NSD3: variants seen among roughly 807,000 people sequenced by gnomAD.
NSD3 encodes the protein histone-lysine N-methyltransferase NSD3.
NSD3 carries 24 observed loss-of-function variants against 160.8 expected under a neutral mutation model. That is an observed-to-expected ratio of 0.15 (90% CI 0.11 to 0.21). NSD3 has a LOEUF of 0.21. NSD3 is among the 10% of genes least tolerant of loss of function. The probability of loss-of-function intolerance (pLI) is 1.00; values close to 1 mark genes in which losing one functional copy is unlikely to be tolerated. For missense variants in NSD3, 1,157 were observed against 1,735.9 expected (o/e 0.67, Z 5.93); for synonymous variants, 520 against 600.0 (o/e 0.87, Z 1.95).
intron 1 of NSD3, among the ~76,000 whole-genome samples, chr8:38,380,420 G>A (rs1811507939): frequency 6.6e-6 from 1 of 152,178 alleles, no homozygotes; most frequent in South Asian, 2.1e-4. Context: ...CAATTTCCTT[G>A]TTTACTTAAA....
intron 1 of NSD3, among the ~76,000 whole-genome samples, chr8:38,369,501 T>C (rs1017406285): frequency 6.6e-6 from 1 of 152,250 alleles, no homozygotes; most frequent in Non-Finnish European, 1.5e-5. Context: ...GTTTAGCCAA[T>C]TGAGTTCAGT....
chr8:38,316,309 C>T lies in NSD3; in HGVS notation c.1856-267G>A, dbSNP rs984365349. 1.1e-4 allele frequency: 111 copies of T among 1,026,414 alleles called. No homozygotes were observed. Among genetic ancestry groups the T allele is most frequent in the Non-Finnish European group, 1.3e-4 (105 of 818,686 alleles). The allele number at this position is 1,026,414 out of a possible 1,614,324, so 63.6% of individuals were successfully genotyped here. ...TTTTCAGTCAACAGAGCCCACGTTC[C>T]AACCTAAAAATCAATTCTATGAAAA... is the stretch of plus-strand genomic sequence containing the variant. On this transcript the variant is annotated intron_variant, in intron 9 of 23. Coordinates refer to ENST00000317025, the MANE Select transcript of NSD3 (RefSeq NM_023034.2). The surrounding 1 kb of genome is among the most constrained non-coding windows in gnomAD (Gnocchi z 4.5).
chr8:38,299,752 A>T, intron 14 of NSD3, 162 bp from the exon 15 acceptor site: 1 of 625,364 alleles, frequency 1.6e-6, no homozygotes, highest in Admixed American at 4.2e-5. Context: ...AAGGTTTTCT[A>T]CAGTTTTCAA....
chr8:38,326,722 A>G lies in NSD3; in HGVS notation c.1708+8T>C, dbSNP rs1809920793. 6.2e-7 allele frequency: 1 copy of G among 1,612,636 alleles called. No homozygotes were observed. Among genetic ancestry groups the G allele is most frequent in the Non-Finnish European group, 8.5e-7 (1 of 1,179,398 alleles). ...ATGGACCTATATATACTTTTCATTC[A>G]TACCAACCTGTAGAACCAGATGTTG... On this transcript the variant is annotated splice_region_variant and intron_variant, in intron 7 of 23. Coordinates refer to ENST00000317025, the MANE Select transcript of NSD3 (RefSeq NM_023034.2).
intron 1 of NSD3, among the ~76,000 whole-genome samples, chr8:38,349,988 A>G (rs915258072): frequency 2.0e-5 from 3 of 152,118 alleles, no homozygotes; most frequent in Middle Eastern, 3.4e-3. Context: ...TTCCAGCTTC[A>G]TCCATGTCCC....
At chr8:38,372,175 G>A (rs1811261853) in intron 1 of NSD3, among the ~76,000 whole-genome samples, 2 of 152,054 alleles carry the variant, frequency 1.3e-5, no homozygotes, top group Non-Finnish European at 1.5e-5. Flanking sequence ...TAGACAAATC[G>A]ACATTTTCTA....
At chr8:38,350,753 T>A (rs927078588) in intron 1 of NSD3, among the ~76,000 whole-genome samples, 3 of 152,170 alleles carry the variant, frequency 2.0e-5, no homozygotes, top group Non-Finnish European at 4.4e-5. Flanking sequence ...GTTAGATCAT[T>A]GCATTATAAT....
intron 1 of NSD3, among the ~76,000 whole-genome samples, chr8:38,366,289 AATTT>A (rs1811103998): frequency 1.3e-5 from 2 of 152,248 alleles, no homozygotes; most frequent in African/African-American, 2.4e-5. Flanking sequence ...TGCCATGAAG[AATTT>A]ATTTACCATC....
chr8:38,327,905 T>G (rs1003047778), intron 6 of NSD3, among the ~76,000 whole-genome samples: 1 of 152,186 alleles, frequency 6.6e-6, no homozygotes, highest in Non-Finnish European at 1.5e-5. Flanking sequence ...TTTATAAACA[T>G]ATATGTATTT....
At chr8:38,350,267 T>C (rs1810656069) in intron 1 of NSD3, among the ~76,000 whole-genome samples, 1 of 152,226 alleles carries the variant, frequency 6.6e-6, no homozygotes, top group Non-Finnish European at 1.5e-5. Flanking sequence ...CCACACTGTC[T>C]TCCACAATGG....
At chr8:38,371,190 G>A (rs773456654) in intron 1 of NSD3, among the ~76,000 whole-genome samples, 18 of 151,852 alleles carry the variant, frequency 1.2e-4, no homozygotes, top group Non-Finnish European at 2.4e-4. Flanking sequence ...AATATTGGAA[G>A]GATATAGAAC....
chr8:38,291,337 C>G (rs891393704), intron 16 of NSD3, among the ~76,000 whole-genome samples: 1 of 152,216 alleles, frequency 6.6e-6, no homozygotes, highest in Non-Finnish European at 1.5e-5. Context: ...GGAAATCTGA[C>G]AGTTTCTAGC....
chr8:38,380,392 C>A (rs528284736), intron 1 of NSD3, among the ~76,000 whole-genome samples: 6 of 152,306 alleles, frequency 3.9e-5, no homozygotes, highest in African/African-American at 1.4e-4. Flanking sequence ...AGCACAGGCC[C>A]AAGTAAAATA....
intron 8 of NSD3, chr8:38,320,776 A>G (rs905665246): frequency 2.1e-5 from 5 of 238,086 alleles, no homozygotes; most frequent in Non-Finnish European, 4.0e-5. Flanking sequence ...AATCATAAAA[A>G]CATGAAATCA....
At chr8:38,359,844 T>C (rs1810915840) in intron 1 of NSD3, among the ~76,000 whole-genome samples, 1 of 152,174 alleles carries the variant, frequency 6.6e-6, no homozygotes, top group Non-Finnish European at 1.5e-5. Context: ...ATCTATAAAA[T>C]AGATCTCACT....
chr8:38,364,053 CT>C (rs34899367), intron 1 of NSD3, among the ~76,000 whole-genome samples: 32,533 of 151,838 alleles, frequency 0.21, 3,695 homozygotes, highest in East Asian at 0.31. Context: ...GGGTGGATCA[CT>C]TTGAGGTCAG....
At chr8:38,366,330 G>A (rs1211434732) in intron 1 of NSD3, among the ~76,000 whole-genome samples, 4 of 151,408 alleles carry the variant, frequency 2.6e-5, no homozygotes, top group African/African-American at 7.3e-5. Flanking sequence ...CTGGAAAAAT[G>A]AGATTTTAAA....
chr8:38,318,054 A>G lies in NSD3; in HGVS notation c.1855+841T>C. ...TCCGCCGACCCTGTGGAATGGTGGA[A>G]ACACAACGCAATCAGGCCTCCTAAT... On this transcript the variant is annotated intron_variant, in intron 9 of 23. Coordinates refer to ENST00000317025, the MANE Select transcript of NSD3 (RefSeq NM_023034.2). This position sits in a 1 kb window ranked among gnomAD's most constrained non-coding sequence, Gnocchi z 5.3. 3 of 1,614,012 alleles carry G rather than the reference A, an allele frequency of 1.9e-6. No individual in the cohort carries two copies. The highest frequency in any genetic ancestry group is 1.1e-5 in the South Asian group (1 of 91,072).
chr8:38,331,933 G>A (rs1191452815), intron 4 of NSD3, among the ~76,000 whole-genome samples: 1 of 152,332 alleles, frequency 6.6e-6, no homozygotes, highest in South Asian at 2.1e-4. Flanking sequence ...CATGTAAGGA[G>A]TTCTTGTTGT....
Sources: allele counts gnomAD v4.1 joint callset (sites outside exome capture counted in the v4.1 genomes callset), GRCh38; gene constraint gnomAD v4.1.1; non-coding constraint Gnocchi (gnomAD v3.1); transcripts MANE v1.5; gene names NCBI Gene and HGNC (gene_info 2026-07-23, HGNC 2026-07-21).